The following RAD52 variants were observed in gnomAD, a reference collection of about 807,000 sequenced individuals.
The protein encoded by RAD52 is DNA repair protein RAD52 homolog.
Under a neutral mutation model 55.5 loss-of-function variants are expected in RAD52, and 47 were observed. The ratio of observed to expected loss-of-function variants is 0.85; its 90% CI spans 0.67 to 1.08. The LOEUF (loss-of-function observed/expected upper bound fraction) is 1.08, where lower values mean the gene tolerates loss of function less well. RAD52 is among the 50% of genes least tolerant of loss of function. The pLI is 0.00. For synonymous variants in RAD52, 184 were observed against 198.9 expected (o/e 0.92, Z 0.63); for missense variants, 468 against 522.8 (o/e 0.90, Z 1.02).
At chr12:939,156 A>C (rs1047790707) in intron 1 of RAD52, among the ~76,000 whole-genome samples, 5 of 151,728 alleles carry the variant, frequency 3.3e-5, no homozygotes, top group Non-Finnish European at 7.4e-5. Context: ...GGATATGCAG[A>C]CATTAATTGT....
intron 1 of RAD52, among the ~76,000 whole-genome samples, chr12:944,762 T>TTTTC (rs111886827): frequency 0.98 from 140,110 of 143,576 alleles, 68,406 homozygotes; most frequent in South Asian, 1. Flanking sequence ...CTAAAAGCAT[T>TTTTC]TTTCTTTCTT....
At chr12:937,340 G>A (rs1394303625) in intron 1 of RAD52, among the ~76,000 whole-genome samples, 1 of 151,786 alleles carries the variant, frequency 6.6e-6, no homozygotes, top group African/African-American at 2.4e-5. Flanking sequence ...TAGCACATAC[G>A]CTCTTGCCTC....
chr12:988,492 T>C (rs185456933), intron 1 of RAD52, among the ~76,000 whole-genome samples: 2 of 152,254 alleles, frequency 1.3e-5, no homozygotes, highest in East Asian at 3.9e-4. Flanking sequence ...GGTGTCTTAG[T>C]CTATTTTATG....
rs77010242 is a variant in RAD52 at position 927,239 on chromosome 12, C to A, written c.373G>T (p.Gly125Cys). The A allele has an allele frequency of 1.9e-6, 3 of 1,613,984 alleles. No homozygotes were observed. Among genetic ancestry groups the A allele is most frequent in the East Asian group, 4.5e-5 (2 of 44,880 alleles). ...TTGAGGCCCTCACTAACACCATAAC[C>A]AACATCTTCATGATATGAACCATCC... ...LKDGSYHEDV[G>C]YGVSEGLKSK... The change falls in exon 6 of 12, where the codon GGT becomes TGT. Residue 125 changes from glycine (G) to cysteine (C), a missense_variant. Gly to Cys is a radical substitution (Grantham distance 159). Coordinates refer to ENST00000358495, the MANE Select transcript of RAD52 (RefSeq NM_134424.4).
chr12:984,877 G>A (rs1219967600), intron 1 of RAD52, among the ~76,000 whole-genome samples: 1 of 152,028 alleles, frequency 6.6e-6, no homozygotes, highest in African/African-American at 2.4e-5. Flanking sequence ...GTGTTAGCCA[G>A]GATGGTCTCA....
At chr12:961,364 G>C (rs1157141661) in intron 1 of RAD52, among the ~76,000 whole-genome samples, 1 of 146,190 alleles carries the variant, frequency 6.8e-6, no homozygotes, top group Non-Finnish European at 1.5e-5. Context: ...AAGCCAGGAA[G>C]TTACTTGTTA....
At chr12:928,886 G>C (rs11571432) in intron 5 of RAD52, among the ~76,000 whole-genome samples, 1 of 151,994 alleles carries the variant, frequency 6.6e-6, no homozygotes, top group Non-Finnish European at 1.5e-5. Flanking sequence ...TAAGGCTACC[G>C]ATAAAACTTT....
chr12:987,088 G>T (rs1484126224), intron 1 of RAD52, among the ~76,000 whole-genome samples: 1 of 151,406 alleles, frequency 6.6e-6, no homozygotes, highest in African/African-American at 2.4e-5. Flanking sequence ...CTCCTGCCTC[G>T]GCCTCCTGAG....
intron 1 of RAD52, among the ~76,000 whole-genome samples, chr12:962,497 G>A (rs1247673009): frequency 4.0e-5 from 6 of 150,986 alleles, no homozygotes; most frequent in African/African-American, 9.7e-5. Context: ...CCGCCACCAC[G>A]CCTGGCTAAT....
At chr12:950,159 G>T (rs1017507826), upstream of RAD52, among the ~76,000 whole-genome samples, 17 of 152,220 alleles carry the variant, frequency 1.1e-4, no homozygotes, top group Non-Finnish European at 2.4e-4. Context: ...TGGACCTGGT[G>T]GTTCTCGCGG....
Position 916,642 on chromosome 12 carries a change from G to C in RAD52, c.722C>G (p.Ser241Cys), listed in dbSNP as rs1592316056. The change falls in exon 8 of 12, where the codon TCC becomes TGC. Residue 241 changes from serine (S) to cysteine (C), a missense_variant. Ser to Cys is a moderately radical substitution (Grantham distance 112). Coordinates refer to ENST00000358495, the MANE Select transcript of RAD52 (RefSeq NM_134424.4). ...GGAGGGGACTTAGGCCGCATACCGG[G>C]AGCTGCAGTCCTGGTCCGCCGGTAT... ...AVIPADQDCS[S>C]RSLSSSAVES... The C allele has an allele frequency of 6.2e-7, 1 of 1,612,856 alleles. No individual in the cohort carries two copies. The highest frequency in any genetic ancestry group is 8.5e-7 in the Non-Finnish European group (1 of 1,179,076).
chr12:913,743 A>T, intron 11 of RAD52, 151 bp downstream of exon 11: 1 of 777,842 alleles, frequency 1.3e-6, no homozygotes, highest in Non-Finnish European at 2.1e-6. Flanking sequence ...TCTGGCTCTT[A>T]AATCAATTCT....
At chr12:951,463 C>G (rs1958526203), upstream of RAD52, among the ~76,000 whole-genome samples, 1 of 152,180 alleles carries the variant, frequency 6.6e-6, no homozygotes, top group Non-Finnish European at 1.5e-5. Context: ...GAGTTGTTTG[C>G]TTTCTTCACA....
At chr12:956,824 G>T (rs1249671993) in intron 1 of RAD52, among the ~76,000 whole-genome samples, 2 of 152,196 alleles carry the variant, frequency 1.3e-5, no homozygotes, top group African/African-American at 4.8e-5. Context: ...TGGGATTACA[G>T]GCGTGAGCCA....
intron 4 of RAD52, 32 bp from the exon 5 acceptor site, chr12:929,918 G>A (rs748652665): frequency 6.3e-7 from 1 of 1,598,666 alleles, no homozygotes. Context: ...AGTTGAAGAG[G>A]ACACTGACCG....
intron 5 of RAD52, among the ~76,000 whole-genome samples, chr12:928,749 G>A (rs1957174318): frequency 6.6e-6 from 1 of 151,816 alleles, no homozygotes; most frequent in Admixed American, 6.6e-5. Flanking sequence ...CTGGTCAATT[G>A]TGTGTTAACA....
chr12:958,556 A>T (rs1318639380), intron 1 of RAD52, among the ~76,000 whole-genome samples: 2 of 152,218 alleles, frequency 1.3e-5, no homozygotes, highest in Non-Finnish European at 2.9e-5. Flanking sequence ...AGAAGAAAAC[A>T]TAGCCTCACC....
intron 7 of RAD52, among the ~76,000 whole-genome samples, chr12:918,541 C>T (rs117805568): frequency 0.018 from 2,766 of 152,132 alleles, 45 homozygotes; most frequent in Non-Finnish European, 0.031. Flanking sequence ...GGACTACAGG[C>T]GCCACCACCA....
intron 5 of RAD52, among the ~76,000 whole-genome samples, chr12:928,597 T>A (rs1258463897): frequency 2.0e-5 from 3 of 152,022 alleles, no homozygotes; most frequent in African/African-American, 7.2e-5. Flanking sequence ...AACAGCACCA[T>A]CCATCTCATT....
Sources: gnomAD v4.1 joint callset for allele counts (sites outside exome capture counted in the v4.1 genomes callset) on GRCh38, gnomAD v4.1.1 for gene constraint, MANE v1.5 for transcripts, NCBI Gene and HGNC (gene_info 2026-07-23, HGNC 2026-07-21) for gene names.